Variants in CYTH3 observed in about 807,000 individuals in gnomAD.
CYTH3 encodes cytohesin-3.
In CYTH3, 23 loss-of-function variants were observed where a neutral mutation model predicts 55.1. That is an observed-to-expected ratio of 0.42 (90% CI 0.30 to 0.59). The LOEUF is 0.59. CYTH3 is among the 20% of genes least tolerant of loss of function. The probability of loss-of-function intolerance (pLI) is 0.20; values close to 1 mark genes in which losing one functional copy is unlikely to be tolerated. For missense variants in CYTH3, 413 were observed against 524.8 expected (o/e 0.79, Z 2.08); for synonymous variants, 249 against 194.9 (o/e 1.28, Z -2.31).
chr7:6,181,334 C>G (rs1783497797), intron 4 of CYTH3, among the ~76,000 whole-genome samples: 1 of 152,210 alleles, frequency 6.6e-6, no homozygotes. Context: ...TCCTAGACAT[C>G]AGAGAAGCCC....
At chr7:6,264,512 T>A (rs2115065825) in intron 1 of CYTH3, among the ~76,000 whole-genome samples, 1 of 152,200 alleles carries the variant, frequency 6.6e-6, no homozygotes, top group Admixed American at 6.5e-5. Context: ...CTCGGAAGGC[T>A]GAGGCAGAAG....
intron 1 of CYTH3, among the ~76,000 whole-genome samples, chr7:6,216,878 G>T (rs202143654): frequency 2.4e-5 from 3 of 124,464 alleles, no homozygotes; most frequent in Middle Eastern, 4.9e-3. Flanking sequence ...AAAAAAAAAA[G>T]AAATGGCAGA....
intron 1 of CYTH3, among the ~76,000 whole-genome samples, chr7:6,220,742 T>C (rs1308995126): frequency 6.6e-6 from 1 of 152,048 alleles, no homozygotes; most frequent in African/African-American, 2.4e-5. Context: ...ACACCTGTAA[T>C]CCCAGCACTT....
chr7:6,170,761 G>A lies in CYTH3; in HGVS notation c.711+69C>T, dbSNP rs527752330. 8.4e-5 allele frequency: 132 copies of A among 1,569,786 alleles called. No individual in the cohort carries two copies. The East Asian group carries it at 1.3e-3, about 16-fold the overall frequency. On this transcript the variant is annotated intron_variant, in intron 8 of 12. Transcript: ENST00000350796. The surrounding 1 kb of genome is among the most constrained non-coding windows in gnomAD (Gnocchi z 7.8). ...AGGCTTGGGAGGCGTGTCTAGAGCC[G>A]CGGGCGCTGCGGCCGCTCACAGCGA...
At position 6,164,620 on chromosome 7, in the gene CYTH3, T is replaced by G. The variant is rs926167330; in HGVS notation, c.*324A>C. ...AAGCTGCTGTCCTGGCTTCTCCCCC[T>G]AGGGGCGCCGGGATGGTCGCAGGAA... On this transcript the variant is annotated 3_prime_UTR_variant, in exon 13 of 13. Coordinates refer to ENST00000350796, the MANE Select transcript of CYTH3 (RefSeq NM_004227.4). The G allele has an allele frequency of 2.6e-6, 1 of 383,744 alleles. No individual in the cohort carries two copies. Among genetic ancestry groups the G allele is most frequent in the African/African-American group, 2.1e-5 (1 of 48,516 alleles). The allele number at this position is 383,744 out of a possible 1,614,324, so 23.8% of individuals were successfully genotyped here.
At chr7:6,265,190 G>A (rs1308599489) in intron 1 of CYTH3, among the ~76,000 whole-genome samples, 1 of 151,888 alleles carries the variant, frequency 6.6e-6, no homozygotes, top group Non-Finnish European at 1.5e-5. Flanking sequence ...TAGAGTAGTA[G>A]TCAAGGGCAG....
chr7:6,270,673 AT>A (rs1780627053), intron 1 of CYTH3, among the ~76,000 whole-genome samples: 2 of 152,060 alleles, frequency 1.3e-5, no homozygotes, highest in African/African-American at 4.8e-5. Flanking sequence ...GCTGTTTCCA[AT>A]TTTTTGCTAT....
At chr7:6,216,861 G>GAAAA (rs71549612) in intron 1 of CYTH3, among the ~76,000 whole-genome samples, 2 of 95,682 alleles carry the variant, frequency 2.1e-5, no homozygotes, top group African/African-American at 6.7e-5. Flanking sequence ...AGCTGAACAG[G>GAAAA]AAAAAAAAAA....
intron 1 of CYTH3, among the ~76,000 whole-genome samples, chr7:6,210,642 C>T (rs892550763): frequency 6.6e-6 from 1 of 152,212 alleles, no homozygotes; most frequent in African/African-American, 2.4e-5. Context: ...AGAGTTCATG[C>T]TGCTGGTGTC....
At chr7:6,214,152 G>C (rs1784379593) in intron 1 of CYTH3, among the ~76,000 whole-genome samples, 2 of 152,166 alleles carry the variant, frequency 1.3e-5, no homozygotes, top group African/African-American at 4.8e-5. Context: ...AAGTAAGATG[G>C]ATGGATGGAT....
intron 1 of CYTH3, among the ~76,000 whole-genome samples, chr7:6,256,970 A>T (rs540777289): frequency 6.6e-5 from 10 of 152,348 alleles, no homozygotes; most frequent in African/African-American, 2.4e-4. Context: ...TGAAAACTGA[A>T]ACATCCTAGT....
At chr7:6,210,024 G>A (rs1359881051) in intron 1 of CYTH3, among the ~76,000 whole-genome samples, 2 of 152,096 alleles carry the variant, frequency 1.3e-5, no homozygotes, top group African/African-American at 2.4e-5. Context: ...TGTATGATAC[G>A]GTAATGGTGG....
At chr7:6,259,808 TATATAATATATATATATATATA>T (rs1780292440) in intron 1 of CYTH3, among the ~76,000 whole-genome samples, 2 of 30,254 alleles carry the variant, frequency 6.6e-5, no homozygotes, top group South Asian at 9.4e-4. Context: ...TATATATATA[TATATAATATATATATATATATA>T]TATTTTTTTT....
intron 4 of CYTH3, among the ~76,000 whole-genome samples, chr7:6,186,217 C>G (rs1783644267): frequency 6.8e-6 from 1 of 147,284 alleles, no homozygotes; most frequent in Non-Finnish European, 1.5e-5. Flanking sequence ...GCACTCCAGC[C>G]TGGGTGACAG....
At chr7:6,217,999 A>T (rs1784464268) in intron 1 of CYTH3, among the ~76,000 whole-genome samples, 1 of 152,164 alleles carries the variant, frequency 6.6e-6, no homozygotes, top group African/African-American at 2.4e-5. Context: ...CCTGGGCAAC[A>T]TGACAAAACC....
At chr7:6,250,918 T>C (rs1335602110) in intron 1 of CYTH3, among the ~76,000 whole-genome samples, 1 of 152,206 alleles carries the variant, frequency 6.6e-6, no homozygotes, top group Non-Finnish European at 1.5e-5. Flanking sequence ...AATATTTCAC[T>C]GGATCAGAAA....
intron 1 of CYTH3, among the ~76,000 whole-genome samples, chr7:6,191,045 C>T (rs1425833103): frequency 2.6e-5 from 4 of 151,730 alleles, no homozygotes; most frequent in Non-Finnish European, 5.9e-5. Context: ...TCACTGCACT[C>T]CAGCCTGGGC....
chr7:6,196,456 CTTT>C lies in CYTH3; in HGVS notation c.35-5928_35-5926del, dbSNP rs5882084. 7.1e-3 allele frequency among the ~76,000 whole-genome samples: 808 copies of C among 113,986 alleles called. 9 individuals are homozygous for C. Among genetic ancestry groups the C allele is most frequent in the African/African-American group, 0.027 (735 of 27,360 alleles). 74.8% of individuals were successfully genotyped at this position (113,986 alleles called of 152,430 possible). ...GAGGGAGCATCTTTTTTCTTTTTTT[CTTT>C]TTTTTTTTTTTTTTTTTGAGACGGA... On this transcript the variant is annotated intron_variant, in intron 1 of 12. Coordinates refer to ENST00000350796, the MANE Select transcript of CYTH3 (RefSeq NM_004227.4).
intron 5 of CYTH3, among the ~76,000 whole-genome samples, chr7:6,175,262 G>T (rs1043802054): frequency 6.6e-6 from 1 of 152,110 alleles, no homozygotes; most frequent in African/African-American, 2.4e-5. Flanking sequence ...CAAGGAATCT[G>T]TAACTGATGA....
Sources: allele counts gnomAD v4.1 joint callset (sites outside exome capture counted in the v4.1 genomes callset), GRCh38; gene constraint gnomAD v4.1.1; non-coding constraint Gnocchi (gnomAD v3.1); transcripts MANE v1.5; gene names NCBI Gene and HGNC (gene_info 2026-07-23, HGNC 2026-07-21).